The following PCDH7 variants were observed in gnomAD, a reference collection of about 807,000 sequenced individuals.
PCDH7 encodes protocadherin 7, also known as protocadherin-7.
In PCDH7, 17 loss-of-function variants were observed where a neutral mutation model predicts 58.9. The ratio of observed to expected loss-of-function variants is 0.29; its 90% CI spans 0.20 to 0.43. The LOEUF (loss-of-function observed/expected upper bound fraction) is 0.43. Among genes scored for constraint, PCDH7 ranks in the 20% least tolerant of loss-of-function variants. The probability of loss-of-function intolerance (pLI) is 1.00; values close to 1 mark genes in which losing one functional copy is unlikely to be tolerated. For missense variants in PCDH7, 1,274 were observed against 1,441.0 expected, an observed-to-expected ratio of 0.88 and a Z score of 1.88; for synonymous variants, 664 against 616.4, an observed-to-expected ratio of 1.08 and a Z score of -1.14.
chr4:30,828,583 A>G (rs1729384716), intron 1 of PCDH7, among the ~76,000 whole-genome samples: 1 of 152,090 alleles, frequency 6.6e-6, no homozygotes, highest in Non-Finnish European at 1.5e-5. Flanking sequence ...AGGTAATGAA[A>G]AAATGTGGTT....
Position 30,807,793 on chromosome 4 carries a change from CA to C in PCDH7, c.70+83201del, listed in dbSNP as rs376001874. Among the ~76,000 whole-genome samples the C allele has an allele frequency of 8.6e-5, 13 of 151,756 alleles. No homozygotes were observed. In the East Asian group the frequency reaches 1.4e-3, roughly 16 times the overall value. Reference sequence around the variant, plus strand: ...AAATTTGGTGATATAGGCACACTTTCAAAATTCTCATTGATAGAGAGGGCCC... The same window carrying C: ...AAATTTGGTGATATAGGCACACTTTCAAATTCTCATTGATAGAGAGGGCCC... On this transcript the variant is annotated intron_variant, in intron 1 of 3. Coordinates refer to the PCDH7 transcript ENST00000509759.
At chr4:30,733,195 T>C (rs1444435884), downstream of PCDH7, among the ~76,000 whole-genome samples, 1 of 152,236 alleles carries the variant, frequency 6.6e-6, no homozygotes, top group Non-Finnish European at 1.5e-5. Flanking sequence ...TATTACCCTG[T>C]ATAGTTTAGC....
intron 1 of PCDH7, among the ~76,000 whole-genome samples, chr4:30,882,741 A>G (rs1411370284): frequency 6.6e-6 from 1 of 152,210 alleles, no homozygotes; most frequent in Non-Finnish European, 1.5e-5. Context: ...ACAAAGTCAT[A>G]CTTTTGCTTA....
chr4:31,082,474 A>T (rs1711621711), intron 3 of PCDH7, among the ~76,000 whole-genome samples: 1 of 152,204 alleles, frequency 6.6e-6, no homozygotes, highest in Admixed American at 6.5e-5. Context: ...TACTTATCAA[A>T]TTTTAGATGC....
intron 1 of PCDH7, chr4:30,725,377 G>A: frequency 4.4e-6 from 3 of 689,130 alleles, no homozygotes; most frequent in Non-Finnish European, 3.6e-6. Flanking sequence ...TTGATGTACT[G>A]TGTGCAAGAC....
chr4:30,973,693 C>T (rs1560545690), intron 3 of PCDH7, among the ~76,000 whole-genome samples: 1 of 151,994 alleles, frequency 6.6e-6, no homozygotes, highest in Non-Finnish European at 1.5e-5. Flanking sequence ...CAATACATGT[C>T]ACAGTCTCCA....
chr4:30,902,047 T>C (rs966903607), intron 1 of PCDH7, among the ~76,000 whole-genome samples: 8 of 152,138 alleles, frequency 5.3e-5, no homozygotes, highest in Non-Finnish European at 8.8e-5. Flanking sequence ...CTCTATAAAA[T>C]GCAGAATAAC....
At chr4:30,928,252 G>A (rs1048308880) in intron 2 of PCDH7, among the ~76,000 whole-genome samples, 1 of 152,220 alleles carries the variant, frequency 6.6e-6, no homozygotes, top group African/African-American at 2.4e-5. Context: ...TCAGAGGTTA[G>A]ACGACCTATT....
At chr4:30,856,103 T>C (rs1733424268) in intron 1 of PCDH7, among the ~76,000 whole-genome samples, 1 of 152,082 alleles carries the variant, frequency 6.6e-6, no homozygotes, top group South Asian at 2.1e-4. Flanking sequence ...TCTATGTCAG[T>C]TTTAAACAAA....
intron 1 of PCDH7, among the ~76,000 whole-genome samples, chr4:30,808,075 C>G (rs541520451): frequency 6.6e-6 from 1 of 152,244 alleles, no homozygotes; most frequent in South Asian, 2.1e-4. Context: ...CAGAAGCTGA[C>G]TGAGATCCAA....
At chr4:31,111,621 TAAC>T (rs1429855032) in intron 3 of PCDH7, among the ~76,000 whole-genome samples, 3 of 152,072 alleles carry the variant, frequency 2.0e-5, no homozygotes, top group Admixed American at 2.0e-4. Flanking sequence ...CAAACAAATA[TAAC>T]AACAACACTC....
intron 1 of PCDH7, among the ~76,000 whole-genome samples, chr4:30,823,188 T>C (rs1004579819): frequency 2.0e-5 from 3 of 152,172 alleles, no homozygotes; most frequent in Non-Finnish European, 4.4e-5. Flanking sequence ...TTAACAACTT[T>C]CAGCTGGTAA....
intron 1 of PCDH7, among the ~76,000 whole-genome samples, chr4:30,864,592 T>C (rs1734642431): frequency 6.6e-6 from 1 of 152,074 alleles, no homozygotes. Flanking sequence ...GACAGACTTG[T>C]TTATTGCACA....
At chr4:30,959,662 C>T (rs149513546) in intron 3 of PCDH7, among the ~76,000 whole-genome samples, 1 of 152,042 alleles carries the variant, frequency 6.6e-6, no homozygotes, top group Non-Finnish European at 1.5e-5. Context: ...TTTAAAGTGC[C>T]ACGTTAGGCC....
intron 1 of PCDH7, among the ~76,000 whole-genome samples, chr4:30,795,057 T>C: frequency 6.6e-6 from 1 of 152,310 alleles, no homozygotes; most frequent in Non-Finnish European, 1.5e-5. Context: ...ATATAATTTA[T>C]AAATTAAAAG....
chr4:30,750,266 G>A (rs1425197722), intron 1 of PCDH7, among the ~76,000 whole-genome samples: 1 of 152,116 alleles, frequency 6.6e-6, no homozygotes, highest in African/African-American at 2.4e-5. Context: ...CCTGAAGGCT[G>A]GAAATCCTGT....
intron 3 of PCDH7, among the ~76,000 whole-genome samples, chr4:31,025,749 C>T (rs1754374779): frequency 1.3e-5 from 2 of 152,120 alleles, no homozygotes; most frequent in South Asian, 4.1e-4. Flanking sequence ...TCAGAGATTC[C>T]AAGCCTAGTG....
At chr4:31,136,852 A>G (rs992220911) in intron 3 of PCDH7, among the ~76,000 whole-genome samples, 3 of 152,168 alleles carry the variant, frequency 2.0e-5, no homozygotes, top group African/African-American at 7.2e-5. Flanking sequence ...CTCACCTCCA[A>G]TCTTTATTAA....
At chr4:31,006,591 T>G (rs1235513996) in intron 3 of PCDH7, among the ~76,000 whole-genome samples, 3 of 152,132 alleles carry the variant, frequency 2.0e-5, no homozygotes, top group African/African-American at 7.2e-5. Flanking sequence ...TAACTCATGC[T>G]TCATAAGAAA....
Sources: gnomAD v4.1 joint callset for allele counts (sites outside exome capture counted in the v4.1 genomes callset) on GRCh38, gnomAD v4.1.1 for gene constraint, MANE v1.5 for transcripts, NCBI Gene and HGNC (gene_info 2026-07-23, HGNC 2026-07-21) for gene names.